The following KIF6 variants were observed in gnomAD, a reference collection of about 807,000 sequenced individuals.
KIF6 encodes the protein kinesin family member 6, also known as kinesin-like protein KIF6.
KIF6 carries 106 observed loss-of-function variants against 112.7 expected under a neutral mutation model. The observed-to-expected ratio is 0.94, with a 90% CI of 0.80 to 1.11. The LOEUF (loss-of-function observed/expected upper bound fraction) is 1.11. Ranked by LOEUF, KIF6 falls within the 50% of genes least tolerant of loss-of-function variation. The pLI, the probability that KIF6 is intolerant of heterozygous loss-of-function variation, is 0.00. For synonymous variants in KIF6, 339 were observed against 339.9 expected (o/e 1.00, Z 0.03); for missense variants, 929 against 964.0 (o/e 0.96, Z 0.48).
At chr6:39,670,921 T>C (rs1398267351) in intron 3 of KIF6, among the ~76,000 whole-genome samples, 1 of 152,200 alleles carries the variant, frequency 6.6e-6, no homozygotes, top group Admixed American at 6.5e-5. Context: ...AGTTAACACT[T>C]AGTTAAACAG....
chr6:39,423,854 T>C (rs1431151065), intron 14 of KIF6, among the ~76,000 whole-genome samples: 4 of 152,162 alleles, frequency 2.6e-5, no homozygotes, highest in Admixed American at 6.5e-5. Context: ...AGCAGAACGC[T>C]GCCATCTCTC....
intron 15 of KIF6, among the ~76,000 whole-genome samples, chr6:39,390,175 T>C (rs1767762653): frequency 6.6e-6 from 1 of 151,610 alleles, no homozygotes; most frequent in African/African-American, 2.4e-5. Flanking sequence ...AATGGAAAAA[T>C]ATTATAACTG....
intron 22 of KIF6, among the ~76,000 whole-genome samples, chr6:39,341,512 T>C (rs914806432): frequency 2.0e-5 from 3 of 152,198 alleles, no homozygotes; most frequent in Non-Finnish European, 4.4e-5. Flanking sequence ...TCAGAGGACA[T>C]TGTACTCAGT....
At chr6:39,430,671 C>T (rs536888751) in intron 14 of KIF6, among the ~76,000 whole-genome samples, 1 of 152,316 alleles carries the variant, frequency 6.6e-6, no homozygotes, top group South Asian at 2.1e-4. Flanking sequence ...GACTGCTCTC[C>T]AGAACAGCTG....
At chr6:39,661,681 C>T (rs1244500394) in intron 3 of KIF6, among the ~76,000 whole-genome samples, 1 of 152,048 alleles carries the variant, frequency 6.6e-6, no homozygotes, top group Non-Finnish European at 1.5e-5. Context: ...AAGAGAGGTA[C>T]AAGAAGGAAC....
intron 8 of KIF6, among the ~76,000 whole-genome samples, chr6:39,585,709 T>C (rs10947820): frequency 0.42 from 63,788 of 151,310 alleles, 15,049 homozygotes; most frequent in African/African-American, 0.64. Flanking sequence ...AAAAGAGAGG[T>C]TTGTCAAGGC....
intron 3 of KIF6, among the ~76,000 whole-genome samples, chr6:39,656,313 A>G (rs1298869155): frequency 2.6e-5 from 4 of 152,120 alleles, no homozygotes; most frequent in African/African-American, 7.2e-5. Flanking sequence ...CTACCTACCT[A>G]TACTCTAGAC....
At chr6:39,690,447 T>G (rs1204405106) in intron 3 of KIF6, 2 of 152,100 alleles carry the variant, frequency 1.3e-5, no homozygotes, top group Admixed American at 1.3e-4. Flanking sequence ...ACAATATTTC[T>G]GAATGATTAA....
At chr6:39,626,653 C>A (rs1784110789) in intron 5 of KIF6, among the ~76,000 whole-genome samples, 1 of 152,150 alleles carries the variant, frequency 6.6e-6, no homozygotes, top group Admixed American at 6.6e-5. Context: ...TCAATAAATA[C>A]TGGTTCACTA....
chr6:39,359,957 CAT>C, intron 18 of KIF6, among the ~76,000 whole-genome samples: 1 of 152,210 alleles, frequency 6.6e-6, no homozygotes, highest in East Asian at 1.9e-4. Flanking sequence ...TATAATCAAA[CAT>C]GTTAATATCA....
At chr6:39,360,294 G>T in intron 18 of KIF6, 101 bp downstream of exon 18, 1 of 1,357,456 alleles carries the variant, frequency 7.4e-7, no homozygotes. Flanking sequence ...CTGAGACCAT[G>T]GGGGCCTGTG....
At chr6:39,475,768 A>G (rs539271701) in intron 13 of KIF6, among the ~76,000 whole-genome samples, 1 of 152,276 alleles carries the variant, frequency 6.6e-6, no homozygotes, top group African/African-American at 2.4e-5. Flanking sequence ...GAGCAGCTGG[A>G]GAGTTTTACA....
intron 16 of KIF6, among the ~76,000 whole-genome samples, chr6:39,369,280 C>T (rs1765791649): frequency 6.6e-6 from 1 of 152,118 alleles, no homozygotes; most frequent in Admixed American, 6.5e-5. Flanking sequence ...TTTTGTAACA[C>T]CTTAGCGGAC....
chr6:39,469,536 CA>C (rs900358783), intron 13 of KIF6, among the ~76,000 whole-genome samples: 31 of 150,540 alleles, frequency 2.1e-4, no homozygotes, highest in African/African-American at 4.4e-4. Flanking sequence ...GACTTTAAAA[CA>C]AAAAAAAATG....
rs1784804467 is a variant in KIF6 at position 39,639,634 on chromosome 6, T to A, written c.375A>T (p.Ser125=). Residue 125 remains serine, a synonymous_variant, in exon 4 of 23, where the codon TCA becomes TCT. Transcript: ENST00000287152. ...CCTTTTGTAACTGTTCAAAAATGTA[T>A]GACAGTGTCCTTGGGATAATGCCTC... is the stretch of plus-strand genomic sequence containing the variant. The part of the protein sequence containing the change: ...SDRGIIPRTL[S]YIFEQLQKDS... The A allele has an allele frequency of 6.3e-7, 1 of 1,596,342 alleles. No individual in the cohort carries two copies. The highest frequency in any genetic ancestry group is 1.8e-5 in the Admixed American group (1 of 55,182).
At chr6:39,703,262 A>G (rs922014276) in intron 3 of KIF6, among the ~76,000 whole-genome samples, 1 of 151,852 alleles carries the variant, frequency 6.6e-6, no homozygotes, top group South Asian at 2.1e-4. Context: ...GATGATTTCA[A>G]TGAAATTGAA....
At chr6:39,531,166 T>C (rs1778040139) in intron 13 of KIF6, among the ~76,000 whole-genome samples, 1 of 152,262 alleles carries the variant, frequency 6.6e-6, no homozygotes, top group Non-Finnish European at 1.5e-5. Flanking sequence ...CCCTTTCAGA[T>C]AGAAGTCTCT....
At chr6:39,525,406 C>A (rs1239641756) in intron 13 of KIF6, among the ~76,000 whole-genome samples, 1 of 152,166 alleles carries the variant, frequency 6.6e-6, no homozygotes, top group East Asian at 1.9e-4. Flanking sequence ...TTGAAGAATT[C>A]ATTTTCTTGA....
chr6:39,567,527 T>C lies in KIF6; in HGVS notation c.1181+10529A>G, dbSNP rs937935125. Among the ~76,000 whole-genome samples the C allele has an allele frequency of 3.3e-5, 5 of 152,220 alleles. 1 individual carries two copies. The highest frequency in any genetic ancestry group is 6.5e-5 in the Admixed American group (1 of 15,288). On this transcript the variant is annotated intron_variant, in intron 10 of 22. Coordinates refer to ENST00000287152, the MANE Select transcript of KIF6 (RefSeq NM_145027.6). ...ACAAAATTCTGAGTATTTCCAGTAA[T>C]TCCTCAGTCATTCATCCTCATGAAC...
Sources: gnomAD v4.1 joint callset for allele counts (sites outside exome capture counted in the v4.1 genomes callset) on GRCh38, gnomAD v4.1.1 for gene constraint, MANE v1.5 for transcripts, NCBI Gene and HGNC (gene_info 2026-07-23, HGNC 2026-07-21) for gene names.